Variants in MUC17 observed in about 807,000 individuals in gnomAD.
MUC17 encodes the protein mucin-17.
Under a neutral mutation model 170.3 loss-of-function variants are expected in MUC17, and 190 were observed. The ratio of observed to expected loss-of-function variants is 1.12; its 90% CI spans 0.99 to 1.26. The LOEUF (loss-of-function observed/expected upper bound fraction) is 1.26, where lower values mean the gene tolerates loss of function less well. Among genes scored for constraint, MUC17 ranks in the 50% most tolerant of loss-of-function variants. MUC17 has a pLI of 0.00. For synonymous variants in MUC17, 2,325 were observed against 2,002.5 expected, an observed-to-expected ratio of 1.16 and a Z score of -4.30; for missense variants, 6,415 against 5,530.0, an observed-to-expected ratio of 1.16 and a Z score of -5.08.
rs778095500 is a variant in MUC17 at position 101,032,826 on chromosome 7, C to T, written c.1410C>T (p.Ser470=). Residue 470 remains serine, a synonymous_variant, in exon 3 of 13, where the codon AGC becomes AGT. Coordinates refer to ENST00000306151, the MANE Select transcript of MUC17 (RefSeq NM_001040105.2). ...STTPVASSEA[S]NLSTTPVDSK... ...CTCCAGTGGCCAGTTCTGAGGCTAG[C>T]AACCTTTCAACAACTCCTGTTGACT... 2.2e-5 allele frequency: 36 copies of T among 1,613,952 alleles called. No homozygotes were observed. Among genetic ancestry groups the T allele is most frequent in the Non-Finnish European group, 2.9e-5 (34 of 1,179,930 alleles).
chr7:101,043,763 A>T lies in MUC17; in HGVS notation c.12347A>T (p.Asn4116Ile), dbSNP rs1554350989. 2.5e-6 allele frequency: 4 copies of T among 1,613,956 alleles called. No individual in the cohort carries two copies. In the South Asian group the frequency reaches 4.4e-5, roughly 18 times the overall value. ...GTGACCACCACCGCTGTCCCCACGA[A>T]TACTACAATTAAGAGCAACCCCACC... ...PTVTTTAVPT[N>I]TTIKSNPTST... Residue 4116 changes from asparagine to isoleucine, a missense_variant, in exon 3 of 13, where the codon AAT (asparagine) becomes ATT (isoleucine). Asn to Ile is a moderately radical substitution (Grantham distance 149). Coordinates refer to ENST00000306151, the MANE Select transcript of MUC17 (RefSeq NM_001040105.2).
chr7:101,046,478 T>C (rs1166435384), intron 3 of MUC17, among the ~76,000 whole-genome samples: 8 of 152,130 alleles, frequency 5.3e-5, no homozygotes, highest in Non-Finnish European at 1.0e-4. Flanking sequence ...AATTGCAATT[T>C]AAAAAGGAGT....
chr7:101,041,811 C>T lies in MUC17; in HGVS notation c.10395C>T (p.Leu3465=). ...GCACTCCATTATCAATTATGCCTCTCAGTACCACGCCGGTGGCCAGTTCTG... is the reference window on the plus strand; with the variant it reads ...GCACTCCATTATCAATTATGCCTCTTAGTACCACGCCGGTGGCCAGTTCTG... ...EGSTPLSIMP[L]STTPVASSEA... The change falls in exon 3 of 13, where the codon CTC becomes CTT. Residue 3465 remains leucine (L), a synonymous_variant. Transcript: ENST00000306151. 2 of 1,614,094 alleles carry T rather than the reference C, an allele frequency of 1.2e-6. No homozygotes were observed. The highest frequency in any genetic ancestry group is 1.7e-6 in the Non-Finnish European group (2 of 1,180,034).
In MUC17 at chr7:101,033,447, C is replaced by A; in HGVS notation, c.2031C>A (p.Ser677Arg). ...CTTCTACAACTGCGGAAGGTACCAG[C>A]ATGCCAACCTCAACTTATACTGAAG... The part of the protein sequence containing the change: ...TSSSTTAEGT[S>R]MPTSTYTEGS... The change falls in exon 3 of 13, where the codon AGC becomes AGA. Residue 677 changes from serine to arginine, a missense_variant. Physicochemically the swap from Ser to Arg is moderately radical, Grantham distance 110. Coordinates refer to ENST00000306151, the MANE Select transcript of MUC17 (RefSeq NM_001040105.2). 1 of 1,613,360 alleles carries A rather than the reference C, an allele frequency of 6.2e-7. No individual in the cohort carries two copies. The highest frequency in any genetic ancestry group is 8.5e-7 in the Non-Finnish European group (1 of 1,179,700).
chr7:101,043,051 C>A lies in MUC17; in HGVS notation c.11635C>A (p.Leu3879Ile). ...TGAAAGAAGCACTCCATTAACAACT[C>A]TCCTTGTCAGCACCACACTTCCAAC... ...TSERSTPLTT[L>I]LVSTTLPTSF... is the part of the protein sequence containing the mutation. The change falls in exon 3 of 13, where the codon CTC becomes ATC. Residue 3879 changes from leucine to isoleucine, a missense_variant. Leu to Ile is a conservative substitution (Grantham distance 5). Coordinates refer to ENST00000306151, the MANE Select transcript of MUC17 (RefSeq NM_001040105.2). 6.2e-7 allele frequency: 1 copy of A among 1,614,130 alleles called. No individual in the cohort carries two copies. The highest frequency in any genetic ancestry group is 8.5e-7 in the Non-Finnish European group (1 of 1,180,012).
In MUC17 at chr7:101,042,633, C is replaced by A; in HGVS notation, c.11217C>A (p.Asp3739Glu). Residue 3739 changes from aspartate (D) to glutamate (E), a missense_variant, in exon 3 of 13, where the codon GAC becomes GAA. Physicochemically the swap from Asp to Glu is conservative, Grantham distance 45. Transcript: ENST00000306151. ...TEAISSSATLDSTTMSVSMPM... is the reference protein window; with the variant it reads ...TEAISSSATLESTTMSVSMPM... ...CCATTTCATCTTCTGCAACTCTTGA[C>A]AGCACCACCATGTCTGTGTCAATGC... 1 of 1,614,062 alleles carries A rather than the reference C, an allele frequency of 6.2e-7. No individual in the cohort carries two copies. Among genetic ancestry groups the A allele is most frequent in the Non-Finnish European group, 8.5e-7 (1 of 1,180,030 alleles).
rs755511859 is a variant in MUC17, at chr7:101,041,917, A to G, written c.10501A>G (p.Thr3501Ala). The G allele has an allele frequency of 6.2e-7, 1 of 1,612,072 alleles. No individual in the cohort carries two copies. Among genetic ancestry groups the G allele is most frequent in the Non-Finnish European group, 8.5e-7 (1 of 1,179,628 alleles). The change falls in exon 3 of 13, where the codon ACT becomes GCT. Residue 3501 changes from threonine (T) to alanine (A), a missense_variant. By Grantham distance (58) the Thr-to-Ala change is moderately conservative (BLOSUM62 0). Coordinates refer to ENST00000306151, the MANE Select transcript of MUC17 (RefSeq NM_001040105.2). Reference protein sequence around the residue: ...TSSPTNSSPTTAEVTSMPTST... With the variant: ...TSSPTNSSPTAAEVTSMPTST... ...TTCTCCAACCAATTCATCTCCTACA[A>G]CTGCTGAAGTTACCAGCATGCCAAC...
rs1245922803 is a variant in MUC17 at position 101,058,779 on chromosome 7, A to C, written c.*735A>C. On this transcript the variant is annotated 3_prime_UTR_variant, in exon 13 of 13. Transcript: ENST00000306151. ...TATTTTTTAAGTTCTTATTGTTATGAGTTCTGATTTTTTCCTTAGTAAATA... is the reference window on the plus strand; with the variant it reads ...TATTTTTTAAGTTCTTATTGTTATGCGTTCTGATTTTTTCCTTAGTAAATA... The C allele has an allele frequency of 6.6e-6, 1 of 152,064 alleles. No individual in the cohort carries two copies. The highest frequency in any genetic ancestry group is 6.6e-5 in the Admixed American group (1 of 15,256). The allele number at this position is 152,064 out of a possible 1,614,324, so 9.4% of individuals were successfully genotyped here.
Position 101,035,059 on chromosome 7 carries a change from G to C in MUC17, c.3643G>C (p.Gly1215Arg). ...TACCAGCATGCCAACCTCAACTCCT[G>C]GAGAAAGAAGCACTCCATTAACAAG... is the stretch of plus-strand genomic sequence containing the variant. ...EVTSMPTSTP[G>R]ERSTPLTSMP... The change falls in exon 3 of 13, where the codon GGA (glycine) becomes CGA (arginine). Residue 1215 changes from glycine (G) to arginine (R), a missense_variant. Physicochemically the swap from Gly to Arg is moderately radical, Grantham distance 125. Coordinates refer to ENST00000306151, the MANE Select transcript of MUC17 (RefSeq NM_001040105.2). The C allele has an allele frequency of 2.5e-6, 4 of 1,605,186 alleles. No individual in the cohort carries two copies. The highest frequency in any genetic ancestry group is 2.5e-6 in the Non-Finnish European group (3 of 1,176,522).
chr7:101,032,354 G>A lies in MUC17; in HGVS notation c.938G>A (p.Ser313Asn), dbSNP rs1230150482. The stretch of plus-strand genomic sequence containing the variant: ...CCTGTGATCACTTCTACTGAAGCCA[G>A]TTCATCTCCTACAACGGCTGAAGGC... The part of the protein sequence containing the change: ...NIPVITSTEA[S>N]SSPTTAEGTS... Residue 313 changes from serine to asparagine, a missense_variant, in exon 3 of 13, where the codon AGT becomes AAT. Coordinates refer to ENST00000306151, the MANE Select transcript of MUC17 (RefSeq NM_001040105.2). 4.3e-6 allele frequency: 7 copies of A among 1,613,454 alleles called. No homozygotes were observed. In the East Asian group the frequency reaches 1.6e-4, roughly 36 times the overall value.
At position 101,036,737 on chromosome 7, in the gene MUC17, T is replaced by C. The variant is rs983318224; in HGVS notation, c.5321T>C (p.Ile1774Thr). 6.8e-6 allele frequency: 11 copies of C among 1,612,408 alleles called. No homozygotes were observed. The highest frequency in any genetic ancestry group is 1.1e-5 in the South Asian group (1 of 90,812). Residue 1774 changes from isoleucine (I) to threonine (T), a missense_variant, in exon 3 of 13, where the codon ATT becomes ACT. Transcript: ENST00000306151. ...GCTAGCACCCTTTCAGCAACTCCTA[T>C]TGACACCAGCACCCCTGTGACCACT... Reference protein sequence around the residue: ...SEASTLSATPIDTSTPVTTST... With the variant: ...SEASTLSATPTDTSTPVTTST...
Position 101,040,534 on chromosome 7 carries a change from A to C in MUC17, c.9118A>C (p.Thr3040Pro), listed in dbSNP as rs1201892479. Residue 3040 changes from threonine (T) to proline (P), a missense_variant, in exon 3 of 13, where the codon ACT becomes CCT. Transcript: ENST00000306151. ...TGAAGGTACCGGCATACCAATCTCA[A>C]CTCCTAGTGAAGGAAGTACTCCATT... is the stretch of plus-strand genomic sequence containing the variant. Reference protein sequence around the residue: ...TAEGTGIPISTPSEGSTPLTS... With the variant: ...TAEGTGIPISPPSEGSTPLTS... 6.2e-7 allele frequency: 1 copy of C among 1,608,440 alleles called. No individual in the cohort carries two copies. Among genetic ancestry groups the C allele is most frequent in the Admixed American group, 1.7e-5 (1 of 59,086 alleles).
Position 101,035,523 on chromosome 7 carries a change from C to G in MUC17, c.4107C>G (p.Thr1369=). ...TTPVDNSTPV[T]TSTEACSSPT... ...CTGTTGACAACAGCACACCTGTGAC[C>G]ACTTCTACTGAAGCCTGTTCATCTC... The change falls in exon 3 of 13, where the codon ACC becomes ACG. Residue 1369 remains threonine (T), a synonymous_variant. Transcript: ENST00000306151. 5.6e-6 allele frequency: 9 copies of G among 1,596,570 alleles called. No homozygotes were observed. Among genetic ancestry groups the G allele is most frequent in the Non-Finnish European group, 6.8e-6 (8 of 1,169,290 alleles).
At chr7:101,025,321 C>T (rs986059186) in intron 1 of MUC17, among the ~76,000 whole-genome samples, 4 of 150,872 alleles carry the variant, frequency 2.7e-5, no homozygotes, top group Non-Finnish European at 5.9e-5. Context: ...CATGTTTGCA[C>T]CACTGCAATC....
rs1184754323 is a variant in MUC17 at position 101,032,995 on chromosome 7, G to A, written c.1579G>A (p.Glu527Lys). Residue 527 changes from glutamate to lysine, a missense_variant, in exon 3 of 13, where the codon GAG (glutamate) becomes AAG (lysine). Coordinates refer to ENST00000306151, the MANE Select transcript of MUC17 (RefSeq NM_001040105.2). The stretch of plus-strand genomic sequence containing the variant: ...CAGCACCATGCCGGTGGCCAGTTCT[G>A]AGGCTAGCACCCTTTCAACAACTCC... Reference protein sequence around the residue: ...SVSTMPVASSEASTLSTTPVD... With the variant: ...SVSTMPVASSKASTLSTTPVD... 2 of 1,613,960 alleles carry A rather than the reference G, an allele frequency of 1.2e-6. No individual in the cohort carries two copies. Among genetic ancestry groups the A allele is most frequent in the African/African-American group, 2.7e-5 (2 of 74,870 alleles).
chr7:101,057,516 G>A (rs1032591818), intron 12 of MUC17, among the ~76,000 whole-genome samples: 2 of 152,198 alleles, frequency 1.3e-5, no homozygotes, highest in African/African-American at 4.8e-5. Flanking sequence ...GCCAAGGCAG[G>A]AAGATTGTCT....
chr7:101,036,534 A>G lies in MUC17; in HGVS notation c.5118A>G (p.Ala1706=), dbSNP rs1794485500. 1.2e-6 allele frequency: 2 copies of G among 1,610,136 alleles called. No homozygotes were observed. Among genetic ancestry groups the G allele is most frequent in the Non-Finnish European group, 1.7e-6 (2 of 1,177,886 alleles). Residue 1706 remains alanine (A), a synonymous_variant, in exon 3 of 13, where the codon GCA becomes GCG. Coordinates refer to ENST00000306151, the MANE Select transcript of MUC17 (RefSeq NM_001040105.2). ...TVRTTPVASS[A]ISTLSTTPVD... ...GAACAACACCGGTGGCCAGCTCTGC[A>G]ATCAGCACCCTTTCAACAACTCCCG...
intron 9 of MUC17, 150 bp downstream of exon 9, chr7:101,052,112 G>A: frequency 1.0e-6 from 1 of 970,546 alleles, no homozygotes; most frequent in South Asian, 1.6e-5. Flanking sequence ...GAGGAATTGG[G>A]TTGGGGATAA....
In MUC17 at chr7:101,035,008, A is replaced by T. The variant is rs1163042088; in HGVS notation, c.3592A>T (p.Ser1198Cys). ...KTQVATSTEA[S>C]SPPPTAEVTS... ...TCAGGTGGCCACTTCTACTGAAGCC[A>T]GTTCACCTCCTCCAACTGCTGAAGT... Residue 1198 changes from serine (S) to cysteine (C), a missense_variant, in exon 3 of 13, where the codon AGT (serine) becomes TGT (cysteine). Ser to Cys is a moderately radical substitution (Grantham distance 112, BLOSUM62 -1). Coordinates refer to ENST00000306151, the MANE Select transcript of MUC17 (RefSeq NM_001040105.2). 1 of 1,613,982 alleles carries T rather than the reference A, an allele frequency of 6.2e-7. No individual in the cohort carries two copies. The highest frequency in any genetic ancestry group is 1.7e-5 in the Admixed American group (1 of 59,980).
Sources: allele counts gnomAD v4.1 joint callset (sites outside exome capture counted in the v4.1 genomes callset), GRCh38; gene constraint gnomAD v4.1.1; transcripts MANE v1.5; gene names NCBI Gene and HGNC (gene_info 2026-07-23, HGNC 2026-07-21).